Variants in MCU observed in about 807,000 individuals in gnomAD.
MCU encodes the protein mitochondrial calcium uniporter, also known as calcium uniporter protein, mitochondrial.
A neutral mutation model predicts 45.2 loss-of-function variants in MCU; 12 were observed. That is an observed-to-expected ratio of 0.27 (90% CI 0.17 to 0.43). The LOEUF is 0.43. Ranked by LOEUF, MCU falls within the 20% of genes least tolerant of loss-of-function variation. The probability of loss-of-function intolerance (pLI) is 1.00; values close to 1 mark genes in which losing one functional copy is unlikely to be tolerated. For missense variants in MCU, 324 were observed against 436.7 expected (o/e 0.74, Z 2.30); for synonymous variants, 160 against 165.1 (o/e 0.97, Z 0.24).
chr10:72,868,656 A>G (rs1382373481), intron 4 of MCU, 47 bp from the exon 5 acceptor site: 1 of 1,564,844 alleles, frequency 6.4e-7, no homozygotes, highest in Admixed American at 1.7e-5. Context: ...CAGGAATAGC[A>G]ATCATTTAAG....
chr10:72,833,324 T>C (rs1278736194), intron 1 of MCU, among the ~76,000 whole-genome samples: 1 of 152,240 alleles, frequency 6.6e-6, no homozygotes, highest in Admixed American at 6.5e-5. Context: ...CGAAACTAGC[T>C]GTGAGCCAAG....
intron 2 of MCU, among the ~76,000 whole-genome samples, chr10:72,844,419 A>G (rs1022109802): frequency 6.6e-6 from 1 of 151,928 alleles, no homozygotes; most frequent in African/African-American, 2.4e-5. Context: ...AATACAAAAA[A>G]TTAGCTGGGC....
chr10:72,810,693 C>T (rs1314538224), intron 1 of MCU, among the ~76,000 whole-genome samples: 4 of 151,396 alleles, frequency 2.6e-5, no homozygotes, highest in Non-Finnish European at 2.9e-5. Flanking sequence ...CAGGGTTTCA[C>T]TATGTTGGCC....
intron 2 of MCU, among the ~76,000 whole-genome samples, chr10:72,841,073 G>T (rs1489548044): frequency 6.6e-6 from 1 of 152,140 alleles, no homozygotes; most frequent in African/African-American, 2.4e-5. Context: ...AATTTTGAGG[G>T]AATTGGAAAC....
At chr10:72,732,901 G>A (rs1242867410) in intron 1 of MCU, among the ~76,000 whole-genome samples, 3 of 152,174 alleles carry the variant, frequency 2.0e-5, no homozygotes, top group South Asian at 2.1e-4. Flanking sequence ...TCCATGAGAC[G>A]AAAATGGCCC....
chr10:72,845,746 G>A (rs1429407212), intron 2 of MCU, among the ~76,000 whole-genome samples: 7 of 152,024 alleles, frequency 4.6e-5, no homozygotes, highest in East Asian at 1.9e-4. Flanking sequence ...TATCCCTGTC[G>A]TTAAGCAATG....
chr10:72,844,452 G>C (rs10823945), intron 2 of MCU, among the ~76,000 whole-genome samples: 107,457 of 151,946 alleles, frequency 0.71, 39,321 homozygotes, highest in African/African-American at 0.85. Flanking sequence ...ACCTGTAGTT[G>C]TAGCTACTCA....
At chr10:72,883,569 C>T (rs749620567) in intron 6 of MCU, among the ~76,000 whole-genome samples, 4 of 152,162 alleles carry the variant, frequency 2.6e-5, no homozygotes, top group Non-Finnish European at 5.9e-5. Context: ...CATTTGAACA[C>T]ATGCATACCC....
At chr10:72,827,856 A>G (rs1359417914) in intron 1 of MCU, among the ~76,000 whole-genome samples, 1 of 152,174 alleles carries the variant, frequency 6.6e-6, no homozygotes, top group African/African-American at 2.4e-5. Context: ...AGTGGGCCCA[A>G]GTCTTCCCAC....
At position 72,868,774 on chromosome 10, in the gene MCU, C is replaced by G. The variant is rs749211583; in HGVS notation, c.568C>G (p.Leu190Val). The change falls in exon 5 of 8, where the codon CTG becomes GTG. Residue 190 changes from leucine (L) to valine (V), a missense_variant. Coordinates refer to ENST00000373053, the MANE Select transcript of MCU (RefSeq NM_138357.3). The stretch of plus-strand genomic sequence containing the variant: ...ATTGGTCCAGCAACTATACACCACA[C>G]TGTGCATTGAGCAGCACCAGTTAAA... The part of the protein sequence containing the change: ...KTLVQQLYTT[L>V]CIEQHQLNKE... The G allele has an allele frequency of 2.5e-6, 4 of 1,614,168 alleles. No homozygotes were observed. The highest frequency in any genetic ancestry group is 2.2e-5 in the East Asian group (1 of 44,886).
intron 1 of MCU, among the ~76,000 whole-genome samples, chr10:72,809,387 AAAG>A (rs1156461650): frequency 2.0e-5 from 3 of 152,186 alleles, no homozygotes; most frequent in Non-Finnish European, 4.4e-5. Context: ...TTCATAGAAA[AAAG>A]AAGGAACAAA....
intron 1 of MCU, among the ~76,000 whole-genome samples, chr10:72,716,792 A>G (rs1370125886): frequency 6.6e-6 from 1 of 151,834 alleles, no homozygotes; most frequent in Non-Finnish European, 1.5e-5. Flanking sequence ...GGATCGCTTG[A>G]GCCCAGGAAA....
chr10:72,817,639 A>G (rs1844647365), intron 1 of MCU, among the ~76,000 whole-genome samples: 1 of 152,130 alleles, frequency 6.6e-6, no homozygotes. Context: ...GTTGTTTTTA[A>G]GAGATGGAGT....
chr10:72,777,780 T>TA (rs1843917929), intron 1 of MCU, among the ~76,000 whole-genome samples: 1 of 152,004 alleles, frequency 6.6e-6, no homozygotes, highest in Non-Finnish European at 1.5e-5. Context: ...TGGGAGAAAA[T>TA]ACGTGCATCT....
chr10:72,717,300 C>T (rs1477594358), intron 1 of MCU, among the ~76,000 whole-genome samples: 2 of 151,410 alleles, frequency 1.3e-5, no homozygotes, highest in Non-Finnish European at 2.9e-5. Context: ...CGCTCTGTCG[C>T]GCAGGCTGGA....
At chr10:72,742,540 C>T (rs550588206) in intron 1 of MCU, among the ~76,000 whole-genome samples, 9 of 152,212 alleles carry the variant, frequency 5.9e-5, no homozygotes, top group South Asian at 2.1e-4. Context: ...TTATAACCAT[C>T]GTTTTCATGT....
intron 1 of MCU, among the ~76,000 whole-genome samples, chr10:72,776,722 A>G (rs775848199): frequency 1.3e-5 from 2 of 152,206 alleles, no homozygotes; most frequent in Non-Finnish European, 2.9e-5. Context: ...GGCCAGAGCA[A>G]TTAAGCAAGA....
chr10:72,866,798 A>T (rs1386674538), intron 4 of MCU, among the ~76,000 whole-genome samples: 3 of 152,058 alleles, frequency 2.0e-5, no homozygotes, highest in Non-Finnish European at 4.4e-5. Context: ...TTGGTATAGT[A>T]GAAGCACTGT....
chr10:72,730,584 T>C (rs1843160389), intron 1 of MCU: 1 of 152,196 alleles, frequency 6.6e-6, no homozygotes, highest in African/African-American at 2.4e-5. Context: ...TCACCACGCC[T>C]GGCCTATTGG....
Sources: allele counts gnomAD v4.1 joint callset (sites outside exome capture counted in the v4.1 genomes callset), GRCh38; gene constraint gnomAD v4.1.1; transcripts MANE v1.5; gene names NCBI Gene and HGNC (gene_info 2026-07-23, HGNC 2026-07-21).